The following CHN1 variants were observed in gnomAD, a reference collection of about 807,000 sequenced individuals.
CHN1 encodes the protein N-chimaerin.
Under a neutral mutation model 59.5 loss-of-function variants are expected in CHN1, and 37 were observed. The ratio of observed to expected loss-of-function variants is 0.62; its 90% CI spans 0.48 to 0.82. The LOEUF (loss-of-function observed/expected upper bound fraction) is 0.82. Ranked by LOEUF, CHN1 falls within the 40% of genes least tolerant of loss-of-function variation. The probability of loss-of-function intolerance (pLI) is 0.00; values close to 1 mark genes in which losing one functional copy is unlikely to be tolerated. For missense variants in CHN1, 469 were observed against 571.0 expected, an observed-to-expected ratio of 0.82 and a Z score of 1.82; for synonymous variants, 206 against 200.4, an observed-to-expected ratio of 1.03 and a Z score of -0.24.
intron 3 of CHN1, among the ~76,000 whole-genome samples, chr2:174,925,218 T>C (rs1055730780): frequency 6.6e-6 from 1 of 152,124 alleles, no homozygotes; most frequent in Non-Finnish European, 1.5e-5. Context: ...AGCCTCCTCA[T>C]ACCCCCGCCT....
intron 6 of CHN1, among the ~76,000 whole-genome samples, chr2:174,872,406 A>T (rs1396964122): frequency 2.0e-5 from 3 of 152,250 alleles, no homozygotes; most frequent in Admixed American, 6.5e-5. Flanking sequence ...AATCTGAAAG[A>T]TCTTAATGGG....
At chr2:174,950,328 G>A (rs1289452197) in intron 2 of CHN1, among the ~76,000 whole-genome samples, 1 of 151,350 alleles carries the variant, frequency 6.6e-6, no homozygotes, top group African/African-American at 2.4e-5. Flanking sequence ...GTGCAAAGGT[G>A]CGATCTCAGC....
intron 10 of CHN1, among the ~76,000 whole-genome samples, chr2:174,809,427 T>A (rs1190795796): frequency 1.3e-5 from 2 of 152,234 alleles, no homozygotes; most frequent in Non-Finnish European, 2.9e-5. Context: ...ACCTCGTCTA[T>A]GCTCTATAAA....
chr2:174,855,079 T>C (rs1686860909), intron 6 of CHN1, among the ~76,000 whole-genome samples: 1 of 152,160 alleles, frequency 6.6e-6, no homozygotes, highest in Non-Finnish European at 1.5e-5. Context: ...TTTCCACAAA[T>C]ACCTAGTTTT....
At chr2:174,896,993 G>C (rs1344816638) in intron 5 of CHN1, among the ~76,000 whole-genome samples, 1 of 152,078 alleles carries the variant, frequency 6.6e-6, no homozygotes, top group African/African-American at 2.4e-5. Context: ...AAATGTGAAA[G>C]AGCACAGAGA....
chr2:174,825,629 A>G (rs1685657885), intron 7 of CHN1, among the ~76,000 whole-genome samples: 1 of 152,220 alleles, frequency 6.6e-6, no homozygotes, highest in South Asian at 2.1e-4. Context: ...CAAACTCTGA[A>G]CATTAAAAAA....
At chr2:174,965,794 C>T (rs1052302746) in intron 1 of CHN1, among the ~76,000 whole-genome samples, 2 of 152,106 alleles carry the variant, frequency 1.3e-5, no homozygotes, top group African/African-American at 2.4e-5. Flanking sequence ...TGTTCTGTTT[C>T]GGTTCAATAT....
rs1207489589 is a variant in CHN1, at chr2:174,877,933, G to A, written c.456C>T (p.Asn152=). Residue 152 remains asparagine, a synonymous_variant, in exon 6 of 13, where the codon AAC becomes AAT. Coordinates refer to ENST00000409900, the MANE Select transcript of CHN1 (RefSeq NM_001822.7). ...IYEHVGYTTL[N]REPAYKKHMP... is the part of the protein sequence containing the mutation. ...TATGTTTTTTGTATGCTGGCTCTCT[G>A]TTTAAGGTTGTGTATCCTACGTGCT... 2 of 1,613,834 alleles carry A rather than the reference G, an allele frequency of 1.2e-6. No individual in the cohort carries two copies. The highest frequency in any genetic ancestry group is 1.1e-5 in the South Asian group (1 of 91,068).
intron 3 of CHN1, among the ~76,000 whole-genome samples, chr2:174,941,668 T>C (rs573666288): frequency 8.8e-4 from 134 of 152,318 alleles, no homozygotes; most frequent in African/African-American, 3.0e-3. Context: ...CATCTACTCC[T>C]TATGATAATT....
intron 9 of CHN1, chr2:174,811,976 G>C (rs1331668270): frequency 4.0e-6 from 1 of 251,588 alleles, no homozygotes; most frequent in Non-Finnish European, 7.5e-6. Context: ...TTTTAGTAGA[G>C]CATTTATACT....
At chr2:174,982,835 T>G (rs1421259316) in intron 1 of CHN1, among the ~76,000 whole-genome samples, 1 of 152,210 alleles carries the variant, frequency 6.6e-6, no homozygotes, top group Non-Finnish European at 1.5e-5. Context: ...TTTTTTAATT[T>G]AAAATTTAAA....
intron 1 of CHN1, among the ~76,000 whole-genome samples, chr2:174,955,511 A>G (rs553831295): frequency 1.6e-4 from 25 of 152,078 alleles, no homozygotes; most frequent in African/African-American, 5.8e-4. Context: ...GAGAGGAATA[A>G]AAGACTACCC....
intron 1 of CHN1, among the ~76,000 whole-genome samples, chr2:174,971,405 C>T (rs1177180144): frequency 6.6e-6 from 1 of 152,140 alleles, no homozygotes; most frequent in African/African-American, 2.4e-5. Context: ...TTAAAAACTT[C>T]TCAATTTTAA....
At chr2:174,973,756 C>G (rs1195559216) in intron 1 of CHN1, among the ~76,000 whole-genome samples, 8 of 152,200 alleles carry the variant, frequency 5.3e-5, no homozygotes, top group Admixed American at 5.2e-4. Context: ...TCTACCAGCA[C>G]TTACTAATTG....
chr2:174,809,691 G>T (rs1685011951), intron 10 of CHN1, among the ~76,000 whole-genome samples: 1 of 152,040 alleles, frequency 6.6e-6, no homozygotes, highest in African/African-American at 2.4e-5. Flanking sequence ...AACAAATCCT[G>T]GAATCTGATA....
At chr2:174,992,550 C>T (rs1691576218) in intron 1 of CHN1, among the ~76,000 whole-genome samples, 2 of 152,176 alleles carry the variant, frequency 1.3e-5, no homozygotes, top group African/African-American at 4.8e-5. Context: ...GCAGAAAGAA[C>T]AAATATTCAA....
intron 5 of CHN1, among the ~76,000 whole-genome samples, chr2:174,914,553 A>G (rs1688785532): frequency 6.6e-6 from 1 of 152,180 alleles, no homozygotes; most frequent in Non-Finnish European, 1.5e-5. Flanking sequence ...AAAATGCTTT[A>G]AAAGCTTTTC....
intron 3 of CHN1, among the ~76,000 whole-genome samples, chr2:174,923,065 A>G (rs140015076): frequency 1.3e-5 from 2 of 152,356 alleles, no homozygotes; most frequent in East Asian, 3.9e-4. Context: ...AATCTTGACC[A>G]TAATATCATA....
At chr2:174,930,825 C>T (rs540843188) in intron 3 of CHN1, among the ~76,000 whole-genome samples, 3 of 151,204 alleles carry the variant, frequency 2.0e-5, no homozygotes, top group South Asian at 4.2e-4. Context: ...AGTGCAGTGG[C>T]GCGATCTCAG....
Sources: gnomAD v4.1 joint callset for allele counts (sites outside exome capture counted in the v4.1 genomes callset) on GRCh38, gnomAD v4.1.1 for gene constraint, MANE v1.5 for transcripts, NCBI Gene and HGNC (gene_info 2026-07-23, HGNC 2026-07-21) for gene names.